DNASE1L3: variants seen among roughly 807,000 people sequenced by gnomAD.
DNASE1L3 encodes the protein deoxyribonuclease gamma.
A neutral mutation model predicts 30.9 loss-of-function variants in DNASE1L3; 27 were observed. The observed-to-expected ratio is 0.87, with a 90% confidence interval of 0.64 to 1.20. The LOEUF is 1.20. Among genes scored for constraint, DNASE1L3 ranks in the 50% most tolerant of loss-of-function variants. The pLI is 0.00. For missense variants in DNASE1L3, 364 were observed against 378.2 expected (o/e 0.96, Z 0.31); for synonymous variants, 135 against 138.0 (o/e 0.98, Z 0.15).
chr3:58,193,122 C>G (rs1653788151), intron 7 of DNASE1L3: 7 of 1,408,888 alleles, frequency 5.0e-6, no homozygotes, highest in Non-Finnish European at 6.4e-6. Flanking sequence ...TGTTGCCCAG[C>G]CTGGAGTGCA....
At chr3:58,202,539 C>T (rs1487179752) in intron 4 of DNASE1L3, among the ~76,000 whole-genome samples, 1 of 151,678 alleles carries the variant, frequency 6.6e-6, no homozygotes, top group Non-Finnish European at 1.5e-5. Context: ...AGCCACCGAG[C>T]CCAGTCGCAC....
At chr3:58,203,390 A>G (rs2097402005) in intron 4 of DNASE1L3, among the ~76,000 whole-genome samples, 1 of 152,134 alleles carries the variant, frequency 6.6e-6, no homozygotes, top group Admixed American at 6.5e-5. Context: ...TCTTCAGGTC[A>G]CAGCCCAATG....
Position 58,197,979 on chromosome 3 carries a change from C to A in DNASE1L3, c.547-1G>T, listed in dbSNP as rs572459902. ...TGAAGTCACCCATGAAAATGAAATT[C>A]TAAAAGACAAGATTTGGAACTGTCA... is the stretch of plus-strand genomic sequence containing the variant. On this transcript the variant is annotated splice_acceptor_variant, in intron 5 of 7. Transcript: ENST00000394549. LOFTEE classifies it high-confidence loss of function. This position sits in a 1 kb window ranked among gnomAD's most constrained non-coding sequence, Gnocchi z 5.3. 6.2e-7 allele frequency: 1 copy of A among 1,606,354 alleles called. No homozygotes were observed. Among genetic ancestry groups the A allele is most frequent in the African/African-American group, 1.3e-5 (1 of 74,916 alleles).
chr3:58,192,764 G>C lies in DNASE1L3; in HGVS notation c.841C>G (p.Leu281Val). The C allele has an allele frequency of 6.2e-7, 1 of 1,614,106 alleles. No homozygotes were observed. The part of the protein sequence containing the change: ...VSDHFPVEFK[L>V]QSSRAFTNSK... ...TTGGTGAAGGCCCTTGAAGACTGTA[G>C]TTTAAATTCAACTGGAAAGTGGTCG... is the stretch of plus-strand genomic sequence containing the variant. The change falls in exon 8 of 8, where the codon CTA (leucine) becomes GTA (valine). Residue 281 changes from leucine (L) to valine (V), a missense_variant. Leu to Val is a conservative substitution (Grantham distance 32). Transcript: ENST00000394549. This position sits in a 1 kb window ranked among gnomAD's most constrained non-coding sequence, Gnocchi z 4.8.
At chr3:58,204,006 G>A (rs1330450446) in intron 4 of DNASE1L3, among the ~76,000 whole-genome samples, 2 of 152,166 alleles carry the variant, frequency 1.3e-5, no homozygotes, top group African/African-American at 2.4e-5. Context: ...GCCAGTACAA[G>A]TACTGTTGTT....
intron 6 of DNASE1L3, among the ~76,000 whole-genome samples, chr3:58,194,792 A>AT (rs528935520): frequency 1.6e-3 from 247 of 150,462 alleles, no homozygotes; most frequent in African/African-American, 5.8e-3. Context: ...CGCCTGGCTA[A>AT]TTTTTTTTGT....
At chr3:58,205,888 G>T (rs1381547714) in intron 2 of DNASE1L3, among the ~76,000 whole-genome samples, 1 of 152,210 alleles carries the variant, frequency 6.6e-6, no homozygotes, top group African/African-American at 2.4e-5. Flanking sequence ...CCTGTGGGAG[G>T]CCACTGAGAC....
intron 6 of DNASE1L3, among the ~76,000 whole-genome samples, chr3:58,196,110 AGT>A (rs1015971638): frequency 9.9e-5 from 15 of 152,220 alleles, no homozygotes; most frequent in Admixed American, 7.8e-4. Flanking sequence ...TGTGTAACTG[AGT>A]GAGTGGCCAT....
intron 1 of DNASE1L3, among the ~76,000 whole-genome samples, chr3:58,209,632 C>T (rs576352455): frequency 1.3e-5 from 2 of 152,350 alleles, no homozygotes; most frequent in East Asian, 1.9e-4. Flanking sequence ...GCAACAGCAG[C>T]GGCTCTGGCT....
chr3:58,200,093 G>T lies in DNASE1L3; in HGVS notation c.546+904C>A, dbSNP rs2097399680. 6.6e-6 allele frequency among the ~76,000 whole-genome samples: 1 copy of T among 152,190 alleles called. No individual in the cohort carries two copies. The highest frequency in any genetic ancestry group is 6.5e-5 in the Admixed American group (1 of 15,286). ...CAGCCACAAGTGGTCTCTTCCAAAA[G>T]TGGAAAGAACTGAGCCTATAGGGAT... is the stretch of plus-strand genomic sequence containing the variant. On this transcript the variant is annotated intron_variant, in intron 5 of 7. Transcript: ENST00000394549. The surrounding 1 kb of genome is among the most constrained non-coding windows in gnomAD (Gnocchi z 4.2).
chr3:58,199,399 G>A (rs769377435), intron 5 of DNASE1L3, among the ~76,000 whole-genome samples: 7 of 152,302 alleles, frequency 4.6e-5, no homozygotes, highest in Non-Finnish European at 8.8e-5. Flanking sequence ...GCCAGGCGCC[G>A]TGGCTCACGC....
intron 4 of DNASE1L3, among the ~76,000 whole-genome samples, chr3:58,204,537 C>A (rs749702094): frequency 1.1e-4 from 17 of 152,212 alleles, no homozygotes; most frequent in Non-Finnish European, 2.2e-4. Context: ...AGAGAGTGGA[C>A]TACCATTGCT....
At chr3:58,194,994 T>C (rs1237223077) in intron 6 of DNASE1L3, among the ~76,000 whole-genome samples, 1 of 152,228 alleles carries the variant, frequency 6.6e-6, no homozygotes, top group Admixed American at 6.5e-5. Context: ...TTGTGAAAGC[T>C]TTCTTTAAGA....
At chr3:58,193,201 C>A in intron 7 of DNASE1L3, 142 bp downstream of exon 7, 1 of 1,436,512 alleles carries the variant, frequency 7.0e-7, no homozygotes, top group South Asian at 1.4e-5. Context: ...CTCAGCCTCC[C>A]AAGTAGCTGG....
At position 58,210,829 on chromosome 3, in the gene DNASE1L3, G is replaced by A; in HGVS notation, c.78C>T (p.Phe26=). 6.2e-7 allele frequency: 1 copy of A among 1,614,176 alleles called. No individual in the cohort carries two copies. The highest frequency in any genetic ancestry group is 2.2e-5 in the East Asian group (1 of 44,874). The stretch of plus-strand genomic sequence containing the variant: ...TGCTTTCCCCAAAGGACCTGACGTT[G>A]AAGGAGCAGATCCTCATGGCCAGGG... ...HSALAMRICS[F]NVRSFGESKQ... is the part of the protein sequence containing the mutation. The change falls in exon 1 of 8, where the codon TTC becomes TTT. Residue 26 remains phenylalanine (F), a synonymous_variant. Transcript: ENST00000394549.
intron 2 of DNASE1L3, 160 bp downstream of exon 2, chr3:58,208,058 T>C: frequency 1.7e-6 from 1 of 601,032 alleles, no homozygotes; most frequent in Non-Finnish European, 2.9e-6. Flanking sequence ...GGTTGAAAGT[T>C]CTCAGGACCG....
At chr3:58,209,412 T>C (rs2097406210) in intron 1 of DNASE1L3, among the ~76,000 whole-genome samples, 1 of 152,206 alleles carries the variant, frequency 6.6e-6, no homozygotes, top group African/African-American at 2.4e-5. Context: ...ATGTGTGAAG[T>C]GGGGAAAATC....
chr3:58,196,013 A>G (rs2097397086), intron 6 of DNASE1L3, among the ~76,000 whole-genome samples: 2 of 152,006 alleles, frequency 1.3e-5, no homozygotes, highest in Non-Finnish European at 2.9e-5. Context: ...CTTCTGTATC[A>G]TTTTCAATCA....
At chr3:58,193,102 G>A in intron 7 of DNASE1L3, 1 of 1,384,554 alleles carries the variant, frequency 7.2e-7, no homozygotes, top group Non-Finnish European at 9.3e-7. Flanking sequence ...TTTGAGACAG[G>A]ATCTCACTCT....
Sources: allele counts gnomAD v4.1 joint callset (sites outside exome capture counted in the v4.1 genomes callset), GRCh38; gene constraint gnomAD v4.1.1; non-coding constraint Gnocchi (gnomAD v3.1); transcripts MANE v1.5; gene names NCBI Gene and HGNC (gene_info 2026-07-23, HGNC 2026-07-21).